XRCC4: variants seen among roughly 807,000 people sequenced by gnomAD.
XRCC4 encodes the protein DNA repair protein XRCC4.
In XRCC4, 28 loss-of-function variants were observed where a neutral mutation model predicts 39.1. The ratio of observed to expected loss-of-function variants is 0.72; its 90% confidence interval spans 0.53 to 0.98. The LOEUF is 0.98. Ranked by LOEUF, XRCC4 falls within the 50% of genes least tolerant of loss-of-function variation. The pLI, the probability that XRCC4 is intolerant of heterozygous loss-of-function variation, is 0.00. For missense variants in XRCC4, 350 were observed against 376.4 expected, an observed-to-expected ratio of 0.93 and a Z score of 0.58; for synonymous variants, 123 against 126.4, an observed-to-expected ratio of 0.97 and a Z score of 0.18.
At chr5:83,313,081 C>CT (rs34133547) in intron 7 of XRCC4, among the ~76,000 whole-genome samples, 5,541 of 142,868 alleles carry the variant, frequency 0.039, 351 homozygotes, top group African/African-American at 0.13. Flanking sequence ...TCTTTTCTTT[C>CT]TTTTTTTTTT....
chr5:83,346,492 G>T (rs572508820), intron 7 of XRCC4, among the ~76,000 whole-genome samples: 6 of 152,074 alleles, frequency 3.9e-5, no homozygotes, highest in Non-Finnish European at 8.8e-5. Flanking sequence ...GATAAGTCAC[G>T]CTTTGTGAAC....
the XRCC4 span, among the ~76,000 whole-genome samples, chr5:83,360,837 T>C: frequency 6.6e-6 from 1 of 151,668 alleles, no homozygotes. Flanking sequence ...GAGTAATGCT[T>C]GCTACCAAAA....
intron 3 of XRCC4, among the ~76,000 whole-genome samples, chr5:83,119,375 T>C (rs747225373): frequency 1.3e-5 from 2 of 152,200 alleles, no homozygotes; most frequent in African/African-American, 2.4e-5. Flanking sequence ...ACATGTGCCA[T>C]TTTGATACTG....
chr5:83,232,306 T>C (rs544966411), intron 6 of XRCC4, among the ~76,000 whole-genome samples: 4 of 152,176 alleles, frequency 2.6e-5, no homozygotes, highest in African/African-American at 9.6e-5. Flanking sequence ...TGTGAACCCC[T>C]TAAGAAAAAG....
intron 6 of XRCC4, among the ~76,000 whole-genome samples, chr5:83,208,336 A>G (rs1284409929): frequency 6.6e-6 from 1 of 152,050 alleles, no homozygotes; most frequent in East Asian, 1.9e-4. Flanking sequence ...TCCCATTTAA[A>G]TGAAATTATT....
At chr5:83,351,871 TACTC>T (rs1757093950) in intron 7 of XRCC4, among the ~76,000 whole-genome samples, 1 of 152,230 alleles carries the variant, frequency 6.6e-6, no homozygotes. Flanking sequence ...CTTTTAAAAA[TACTC>T]ATCACCTAAA....
chr5:83,365,232 T>C, the XRCC4 span, among the ~76,000 whole-genome samples: 1 of 152,174 alleles, frequency 6.6e-6, no homozygotes, highest in Non-Finnish European at 1.5e-5. Flanking sequence ...GACCACGCTA[T>C]AACTGATGGA....
At chr5:83,143,698 A>G (rs1225588839) in intron 3 of XRCC4, among the ~76,000 whole-genome samples, 2 of 152,062 alleles carry the variant, frequency 1.3e-5, no homozygotes, top group African/African-American at 4.8e-5. Flanking sequence ...CTGAACAAAG[A>G]TTCTAGATTG....
At chr5:83,097,279 A>G (rs1188287988) in intron 1 of XRCC4, among the ~76,000 whole-genome samples, 2 of 152,098 alleles carry the variant, frequency 1.3e-5, no homozygotes, top group Admixed American at 1.3e-4. Context: ...AAAAATTGTG[A>G]AATGTTGGTA....
intron 3 of XRCC4, among the ~76,000 whole-genome samples, chr5:83,111,499 G>A (rs1302500930): frequency 6.6e-6 from 1 of 151,942 alleles, no homozygotes; most frequent in Non-Finnish European, 1.5e-5. Flanking sequence ...GAGATCAGAA[G>A]TTTTAGGCCA....
At chr5:83,138,979 G>A (rs531213912) in intron 3 of XRCC4, among the ~76,000 whole-genome samples, 2 of 152,172 alleles carry the variant, frequency 1.3e-5, no homozygotes, top group South Asian at 4.1e-4. Flanking sequence ...CTTTACTCCT[G>A]TGTCCCCTAA....
At chr5:83,116,749 G>A (rs1311645094) in intron 3 of XRCC4, among the ~76,000 whole-genome samples, 4 of 151,274 alleles carry the variant, frequency 2.6e-5, no homozygotes, top group African/African-American at 9.7e-5. Context: ...AGTCTCCTGA[G>A]TAGCTGGGAT....
At chr5:83,255,101 A>G (rs915526388) in intron 6 of XRCC4, among the ~76,000 whole-genome samples, 6 of 152,046 alleles carry the variant, frequency 3.9e-5, no homozygotes, top group African/African-American at 1.2e-4. Flanking sequence ...AAAGAAAAAA[A>G]AAAAGAAAAG....
chr5:83,183,991 T>C lies in XRCC4; in HGVS notation c.316-11779T>C, dbSNP rs556032026. On this transcript the variant is annotated intron_variant, in intron 3 of 7. Coordinates refer to ENST00000396027, the MANE Select transcript of XRCC4 (RefSeq NM_003401.5). ...TATATAGCAAAGTAAATATTACAAG[T>C]TTTTCAGGGGAATATTTTGAATTGA... 3.4e-4 allele frequency among the ~76,000 whole-genome samples: 51 copies of C among 152,212 alleles called. 1 individual carries two copies. Among genetic ancestry groups the C allele is most frequent in the Admixed American group, 3.1e-3 (47 of 15,290 alleles).
At chr5:83,117,256 G>C (rs372741169) in intron 3 of XRCC4, among the ~76,000 whole-genome samples, 1 of 152,116 alleles carries the variant, frequency 6.6e-6, no homozygotes, top group East Asian at 1.9e-4. Context: ...TATAGTGCCA[G>C]CATTTGGAAC....
chr5:83,306,943 A>G (rs1388061388), intron 7 of XRCC4, among the ~76,000 whole-genome samples: 1 of 152,208 alleles, frequency 6.6e-6, no homozygotes. Context: ...AGAATATTTC[A>G]TTGTTCAACT....
chr5:83,133,043 A>G (rs6452518), intron 3 of XRCC4, among the ~76,000 whole-genome samples: 73,091 of 151,246 alleles, frequency 0.48, 18,575 homozygotes, highest in African/African-American at 0.63. Context: ...GGTCTTTGGT[A>G]ATGGTGATGT....
At chr5:83,281,715 C>T (rs1008556085) in intron 7 of XRCC4, among the ~76,000 whole-genome samples, 4 of 152,126 alleles carry the variant, frequency 2.6e-5, no homozygotes, top group African/African-American at 9.7e-5. Flanking sequence ...TCACCTCTGG[C>T]CTCATCTCTA....
chr5:83,308,303 G>A (rs1755559485), intron 7 of XRCC4, among the ~76,000 whole-genome samples: 1 of 152,112 alleles, frequency 6.6e-6, no homozygotes, highest in Admixed American at 6.5e-5. Context: ...TAAATATCAT[G>A]GAGAGATGAA....
Sources: allele counts gnomAD v4.1 joint callset (sites outside exome capture counted in the v4.1 genomes callset), GRCh38; gene constraint gnomAD v4.1.1; transcripts MANE v1.5; gene names NCBI Gene and HGNC (gene_info 2026-07-23, HGNC 2026-07-21).